CTNND2: variants seen among roughly 807,000 people sequenced by gnomAD.
The protein encoded by CTNND2 is catenin delta-2.
A neutral mutation model predicts 144.4 loss-of-function variants in CTNND2; 22 were observed. The ratio of observed to expected loss-of-function variants is 0.15; its 90% CI spans 0.11 to 0.22. The LOEUF (loss-of-function observed/expected upper bound fraction) is 0.22, where lower values mean the gene tolerates loss of function less well. CTNND2 is among the 10% of genes least tolerant of loss of function. The pLI, the probability that CTNND2 is intolerant of heterozygous loss-of-function variation, is 1.00. For synonymous variants in CTNND2, 751 were observed against 695.6 expected, an observed-to-expected ratio of 1.08 and a Z score of -1.25; for missense variants, 1,353 against 1,618.8, an observed-to-expected ratio of 0.84 and a Z score of 2.82.
chr5:11,672,325 C>T (rs569301783), intron 2 of CTNND2, among the ~76,000 whole-genome samples: 2 of 152,322 alleles, frequency 1.3e-5, no homozygotes, highest in East Asian at 3.9e-4. Context: ...GGGAGAACTG[C>T]TGCTCTCTTC....
At chr5:11,691,540 T>C (rs1784910043) in intron 2 of CTNND2, among the ~76,000 whole-genome samples, 2 of 151,894 alleles carry the variant, frequency 1.3e-5, no homozygotes, top group South Asian at 4.2e-4. Context: ...AAAAATCAGT[T>C]TCATCTAAAA....
intron 3 of CTNND2, among the ~76,000 whole-genome samples, chr5:11,444,899 G>A (rs1764667514): frequency 1.3e-5 from 2 of 152,134 alleles, no homozygotes; most frequent in African/African-American, 4.8e-5. Context: ...TGTGATCAGG[G>A]CAGCGTAGCC....
At chr5:11,145,933 C>G (rs1387395637) in intron 12 of CTNND2, among the ~76,000 whole-genome samples, 1 of 152,178 alleles carries the variant, frequency 6.6e-6, no homozygotes, top group African/African-American at 2.4e-5. Flanking sequence ...ACAGGTGGAT[C>G]TTCTGGCCTG....
intron 5 of CTNND2, among the ~76,000 whole-genome samples, chr5:11,409,775 T>A (rs1253705687): frequency 6.6e-6 from 1 of 152,114 alleles, no homozygotes. Flanking sequence ...TCCTTTAATT[T>A]CAACACTTAT....
At chr5:11,272,510 C>A (rs1326255407) in intron 9 of CTNND2, among the ~76,000 whole-genome samples, 1 of 152,114 alleles carries the variant, frequency 6.6e-6, no homozygotes, top group Non-Finnish European at 1.5e-5. Context: ...TCCTAAAATG[C>A]CAAACAAAAC....
chr5:11,476,906 T>A (rs560773366), intron 3 of CTNND2, among the ~76,000 whole-genome samples: 1 of 152,300 alleles, frequency 6.6e-6, no homozygotes, highest in South Asian at 2.1e-4. Flanking sequence ...AGGGAGTAGG[T>A]CTCTGTTATC....
chr5:11,383,576 T>TAGGCC (rs1758744495), intron 7 of CTNND2, among the ~76,000 whole-genome samples: 1 of 152,214 alleles, frequency 6.6e-6, no homozygotes, highest in Admixed American at 6.5e-5. Flanking sequence ...TGCATCCTGT[T>TAGGCC]AGGCCAGGCC....
chr5:11,321,061 T>G (rs990952492), intron 9 of CTNND2, among the ~76,000 whole-genome samples: 1 of 152,204 alleles, frequency 6.6e-6, no homozygotes, highest in Non-Finnish European at 1.5e-5. Context: ...AATGCAGAGC[T>G]AAATAACACA....
chr5:10,981,750 C>G (rs1365497066), intron 21 of CTNND2, 23 bp downstream of exon 21: 1 of 1,596,712 alleles, frequency 6.3e-7, no homozygotes, highest in Non-Finnish European at 8.6e-7. Context: ...AAAGGAAATA[C>G]AAACGTGTTG....
chr5:11,659,991 G>A (rs1235308757), intron 2 of CTNND2, among the ~76,000 whole-genome samples: 3 of 152,124 alleles, frequency 2.0e-5, no homozygotes, highest in African/African-American at 7.2e-5. Context: ...TTATCCTGAA[G>A]TAGTGAGAAG....
intron 2 of CTNND2, among the ~76,000 whole-genome samples, chr5:11,589,828 G>A (rs1173448713): frequency 6.6e-5 from 10 of 152,120 alleles, no homozygotes; most frequent in Admixed American, 6.6e-5. Context: ...TTAAAACAGA[G>A]GTAACGCCCC....
intron 1 of CTNND2, among the ~76,000 whole-genome samples, chr5:11,830,347 A>T (rs138887995): frequency 6.6e-6 from 1 of 152,348 alleles, no homozygotes; most frequent in East Asian, 1.9e-4. Context: ...CCCAACAATC[A>T]TCTTGAATTC....
chr5:11,628,785 A>G (rs74776691), intron 2 of CTNND2, among the ~76,000 whole-genome samples: 1 of 152,166 alleles, frequency 6.6e-6, no homozygotes, highest in Non-Finnish European at 1.5e-5. Context: ...AAAAAAAAAA[A>G]GAGTGGTTAA....
chr5:11,109,681 T>C (rs1202056717), intron 14 of CTNND2, among the ~76,000 whole-genome samples: 3 of 152,226 alleles, frequency 2.0e-5, no homozygotes, highest in Admixed American at 6.5e-5. Flanking sequence ...AAAAAAACCA[T>C]ACACTTTTAT....
At chr5:11,570,526 G>A (rs1777478432) in intron 2 of CTNND2, among the ~76,000 whole-genome samples, 1 of 152,094 alleles carries the variant, frequency 6.6e-6, no homozygotes, top group African/African-American at 2.4e-5. Flanking sequence ...GAGAATTCTA[G>A]GTTGGAAATC....
intron 1 of CTNND2, among the ~76,000 whole-genome samples, chr5:11,775,500 C>G (rs1300464981): frequency 6.6e-6 from 1 of 152,218 alleles, no homozygotes; most frequent in Non-Finnish European, 1.5e-5. Flanking sequence ...CCCCAACTCT[C>G]TTGCTACTTG....
chr5:11,199,424 T>A (rs1053071979), intron 11 of CTNND2, 24 bp downstream of exon 11: 2 of 1,590,692 alleles, frequency 1.3e-6, no homozygotes, highest in Non-Finnish European at 1.7e-6. Context: ...AGATATAATA[T>A]AATAATTTAA....
chr5:11,441,380 T>C (rs1348984146), intron 3 of CTNND2, among the ~76,000 whole-genome samples: 1 of 148,622 alleles, frequency 6.7e-6, no homozygotes, highest in Non-Finnish European at 1.5e-5. Context: ...TTTTTTTTTT[T>C]TTTTTTTTTT....
rs186788760 is a variant in CTNND2 at position 11,340,669 on chromosome 5, T to C, written c.1628+5703A>G. Among the ~76,000 whole-genome samples, 5 of 152,288 alleles carry C rather than the reference T, an allele frequency of 3.3e-5. No individual in the cohort carries two copies. The East Asian group carries it at 7.7e-4, about 24-fold the overall frequency. Reference sequence around the variant, plus strand: ...GTTAAAAAGAAAATTCCAGATAAGATCAGTGATTCATAGTTTTGCAGAAGT... The same window carrying C: ...GTTAAAAAGAAAATTCCAGATAAGACCAGTGATTCATAGTTTTGCAGAAGT... On this transcript the variant is annotated intron_variant, in intron 9 of 21. Coordinates refer to ENST00000304623, the MANE Select transcript of CTNND2 (RefSeq NM_001332.4).
Sources: allele counts gnomAD v4.1 joint callset (sites outside exome capture counted in the v4.1 genomes callset), GRCh38; gene constraint gnomAD v4.1.1; transcripts MANE v1.5; gene names NCBI Gene and HGNC (gene_info 2026-07-23, HGNC 2026-07-21).